Variants in RGS17 observed in about 807,000 individuals in gnomAD.
RGS17 encodes the protein regulator of G-protein signaling 17.
Under a neutral mutation model 25.5 loss-of-function variants are expected in RGS17, and 12 were observed. The observed-to-expected ratio is 0.47, with a 90% CI of 0.30 to 0.76. The LOEUF (loss-of-function observed/expected upper bound fraction) is 0.76. Ranked by LOEUF, RGS17 falls within the 30% of genes least tolerant of loss-of-function variation. RGS17 has a pLI of 0.07. For missense variants in RGS17, 196 were observed against 242.2 expected, an observed-to-expected ratio of 0.81 and a Z score of 1.27; for synonymous variants, 71 against 76.9, an observed-to-expected ratio of 0.92 and a Z score of 0.40.
At chr6:153,092,894 C>G (rs1267238006) in intron 1 of RGS17, among the ~76,000 whole-genome samples, 1 of 152,116 alleles carries the variant, frequency 6.6e-6, no homozygotes, top group Non-Finnish European at 1.5e-5. Context: ...CATTTGAAAA[C>G]CAGTGAAAGG....
At chr6:153,069,166 T>C in intron 1 of RGS17, among the ~76,000 whole-genome samples, 1 of 152,180 alleles carries the variant, frequency 6.6e-6, no homozygotes, top group South Asian at 2.1e-4. Context: ...GTGTTTGTTG[T>C]GGCACTGTTT....
chr6:153,080,058 T>G (rs1776950902), intron 1 of RGS17, among the ~76,000 whole-genome samples: 1 of 152,188 alleles, frequency 6.6e-6, no homozygotes, highest in Non-Finnish European at 1.5e-5. Flanking sequence ...CTCAGCTCAC[T>G]GCAACCTCCG....
intron 1 of RGS17, among the ~76,000 whole-genome samples, chr6:153,054,092 T>TTATATATATATATATATA (rs1199437911): frequency 9.5e-5 from 4 of 42,100 alleles, no homozygotes; most frequent in East Asian, 1.1e-3. Flanking sequence ...ACAATATTTT[T>TTATATATATATATATATA]TATATATATA....
intron 1 of RGS17, among the ~76,000 whole-genome samples, chr6:153,049,474 G>A (rs567590240): frequency 4.6e-5 from 7 of 152,166 alleles, no homozygotes; most frequent in African/African-American, 1.4e-4. Context: ...ATTCAAGGCC[G>A]GGCATGGTGG....
chr6:153,029,602 T>C (rs1779340610), intron 2 of RGS17, among the ~76,000 whole-genome samples: 1 of 152,074 alleles, frequency 6.6e-6, no homozygotes, highest in Non-Finnish European at 1.5e-5. Flanking sequence ...TTTTTCTTTT[T>C]TTTTTTAAGA....
chr6:153,048,574 G>C (rs900602590), intron 1 of RGS17, among the ~76,000 whole-genome samples: 3 of 152,146 alleles, frequency 2.0e-5, no homozygotes, highest in African/African-American at 4.8e-5. Context: ...TCCCCTGAAT[G>C]TATCTCCTTT....
intron 1 of RGS17, among the ~76,000 whole-genome samples, chr6:153,092,030 G>C (rs1200024640): frequency 6.6e-6 from 1 of 152,142 alleles, no homozygotes; most frequent in African/African-American, 2.4e-5. Flanking sequence ...TCCAGATTCA[G>C]CTGGATATAT....
intron 1 of RGS17, among the ~76,000 whole-genome samples, chr6:153,077,063 T>C (rs1776892696): frequency 6.6e-6 from 1 of 152,188 alleles, no homozygotes; most frequent in Non-Finnish European, 1.5e-5. Context: ...CCTGACATTG[T>C]GTGCCTCATA....
chr6:153,052,147 C>A (rs1463330117), intron 1 of RGS17, among the ~76,000 whole-genome samples: 2 of 152,148 alleles, frequency 1.3e-5, no homozygotes, highest in South Asian at 2.1e-4. Context: ...GGGGGTAGGA[C>A]TGGGAGGAGC....
intron 1 of RGS17, among the ~76,000 whole-genome samples, chr6:153,080,527 TTA>T (rs59336378): frequency 0.011 from 1,747 of 152,232 alleles, 35 homozygotes; most frequent in African/African-American, 0.04. Flanking sequence ...TGCTGGATTT[TTA>T]TGACTTCTAA....
intron 2 of RGS17, among the ~76,000 whole-genome samples, chr6:153,029,674 T>C (rs774968971): frequency 5.2e-4 from 79 of 151,996 alleles, no homozygotes; most frequent in Non-Finnish European, 9.3e-4. Flanking sequence ...CACTGCAAGC[T>C]CCGCCTCCCG....
chr6:153,115,331 A>G (rs1239296183), intron 1 of RGS17, among the ~76,000 whole-genome samples: 1 of 152,208 alleles, frequency 6.6e-6, no homozygotes. Flanking sequence ...CCCATTCACA[A>G]TTGCTACAAG....
rs1779106473 is a variant in RGS17, at chr6:153,009,153, T to G, written c.*2421A>C. On this transcript the variant is annotated 3_prime_UTR_variant, in exon 5 of 5. Coordinates refer to ENST00000206262, the MANE Select transcript of RGS17 (RefSeq NM_012419.5). ...TTTACATTTGGTAAAATATTAAAGA[T>G]ATTGTCAAACAGACAATTCATCTAA... 6.6e-6 allele frequency: 1 copy of G among 152,176 alleles called. No homozygotes were observed. Among genetic ancestry groups the G allele is most frequent in the African/African-American group, 2.4e-5 (1 of 41,472 alleles). 9.4% of individuals were successfully genotyped at this position (152,176 alleles called of 1,614,324 possible).
intron 2 of RGS17, among the ~76,000 whole-genome samples, chr6:153,032,301 T>A (rs1776160176): frequency 6.6e-6 from 1 of 152,176 alleles, no homozygotes; most frequent in Non-Finnish European, 1.5e-5. Flanking sequence ...GAAATTTGTG[T>A]CTGGAAATGT....
intron 1 of RGS17, among the ~76,000 whole-genome samples, chr6:153,093,270 TCATGCTATCTA>T (rs1039935617): frequency 1.3e-5 from 2 of 152,188 alleles, no homozygotes; most frequent in African/African-American, 2.4e-5. Flanking sequence ...TATGGTGCGT[TCATGCTATCTA>T]CAGGCAGATG....
At chr6:153,091,324 T>C (rs982279363) in intron 1 of RGS17, among the ~76,000 whole-genome samples, 1 of 152,178 alleles carries the variant, frequency 6.6e-6, no homozygotes, top group South Asian at 2.1e-4. Flanking sequence ...ATGAAGATAA[T>C]GGCTAGTTTG....
chr6:153,120,532 G>C (rs1039073334), intron 1 of RGS17, among the ~76,000 whole-genome samples: 1 of 152,058 alleles, frequency 6.6e-6, no homozygotes, highest in African/African-American at 2.4e-5. Context: ...CTCTCACCTG[G>C]ACAGCTGAAA....
intron 4 of RGS17, among the ~76,000 whole-genome samples, chr6:153,019,605 C>G (rs1011014888): frequency 2.6e-5 from 4 of 151,980 alleles, no homozygotes; most frequent in Non-Finnish European, 4.4e-5. Flanking sequence ...TGAATTCTTG[C>G]GAGATCTGGT....
chr6:153,110,262 T>G (rs1777447365), intron 1 of RGS17, among the ~76,000 whole-genome samples: 3 of 152,206 alleles, frequency 2.0e-5, no homozygotes, highest in African/African-American at 7.2e-5. Flanking sequence ...CAAAGAGATG[T>G]TTGGCTCACT....
Sources: gnomAD v4.1 joint callset for allele counts (sites outside exome capture counted in the v4.1 genomes callset) on GRCh38, gnomAD v4.1.1 for gene constraint, MANE v1.5 for transcripts, NCBI Gene and HGNC (gene_info 2026-07-23, HGNC 2026-07-21) for gene names.